The following LIPG variants were observed in gnomAD, a reference collection of about 807,000 sequenced individuals.
LIPG encodes endothelial lipase.
In LIPG, 34 loss-of-function variants were observed where a neutral mutation model predicts 51.8. That is an observed-to-expected ratio of 0.66 (90% CI 0.50 to 0.87). LIPG has a LOEUF of 0.87. Among genes scored for constraint, LIPG ranks in the 40% least tolerant of loss-of-function variants. LIPG has a pLI of 0.00. For missense variants in LIPG, 580 were observed against 652.7 expected (o/e 0.89, Z 1.21); for synonymous variants, 246 against 246.1 (o/e 1.00, Z 0.00).
chr18:49,569,017 TGGA>T (rs1470451588), intron 3 of LIPG, among the ~76,000 whole-genome samples: 1 of 152,050 alleles, frequency 6.6e-6, no homozygotes, highest in Non-Finnish European at 1.5e-5. Flanking sequence ...TGGGGCTGGG[TGGA>T]GGTCAGGCCT....
rs2084975972 is a variant in LIPG at position 49,595,277 on chromosome 18, A to G, written c.*4755A>G. ...TATTTAAATAAATAGATGAAATTAG[A>G]TATAAGAAACTAGGTGCTTAAACAG... On this transcript the variant is annotated 3_prime_UTR_variant, in exon 10 of 10. Coordinates refer to ENST00000261292, the MANE Select transcript of LIPG (RefSeq NM_006033.4). 1.3e-5 allele frequency: 2 copies of G among 152,198 alleles called. No homozygotes were observed. The highest frequency in any genetic ancestry group is 4.1e-4 in the South Asian group (2 of 4,826). 9.4% of individuals were successfully genotyped at this position (152,198 alleles called of 1,614,324 possible). A position where few individuals can be genotyped will look rare whatever the true frequency, so the allele number is the denominator to read the frequency against.
intron 1 of LIPG, among the ~76,000 whole-genome samples, chr18:49,563,076 C>CCTGGGGGAGCCAGAGTCAGTCAGCT (rs1308832351): frequency 1.3e-5 from 2 of 152,162 alleles, no homozygotes; most frequent in Non-Finnish European, 2.9e-5. Flanking sequence ...GGCAGCTTGC[C>CCTGGGGGAGCCAGAGTCAGTCAGCT]CTGGGGGAGC....
chr18:49,588,480 GCCATGTTGGCCAAGTTA>G lies in LIPG; in HGVS notation c.1481+1647_1481+1663del, dbSNP rs573785860. Among the ~76,000 whole-genome samples, 371 of 151,944 alleles carry G rather than the reference GCCATGTTGGCCAAGTTA, an allele frequency of 2.4e-3. 2 individuals carry two copies. Among genetic ancestry groups the G allele is most frequent in the African/African-American group, 8.5e-3 (352 of 41,450 alleles). ...GTATTTTTAGTTGAGATGGGTTTTC[GCCATGTTGGCCAAGTTA>G]CCATGTTGGCCAAGTTGGTCTCAAA... On this transcript the variant is annotated intron_variant, in intron 9 of 9. Transcript: ENST00000261292.
At position 49,569,567 on chromosome 18, in the gene LIPG, A is replaced by C; in HGVS notation, c.571+19A>C. 3 of 1,580,090 alleles carry C rather than the reference A, an allele frequency of 1.9e-6. No homozygotes were observed. Among genetic ancestry groups the C allele is most frequent in the Non-Finnish European group, 1.7e-6 (2 of 1,150,132 alleles). On this transcript the variant is annotated intron_variant, in intron 4 of 9. Coordinates refer to ENST00000261292, the MANE Select transcript of LIPG (RefSeq NM_006033.4). Reference sequence around the variant, plus strand: ...ATCACAGGTGAGCTCCACTTCCATCACTAAAGGGCTCCCTCAGCTGCGCTA... The same window carrying C: ...ATCACAGGTGAGCTCCACTTCCATCCCTAAAGGGCTCCCTCAGCTGCGCTA...
chr18:49,588,186 G>A (rs2143980142), intron 9 of LIPG, among the ~76,000 whole-genome samples: 1 of 152,210 alleles, frequency 6.6e-6, no homozygotes, highest in Non-Finnish European at 1.5e-5. Context: ...GGTCAGGTTT[G>A]GGAATGGGGT....
upstream of LIPG, chr18:49,562,011 C>A: frequency 7.1e-7 from 1 of 1,417,658 alleles, no homozygotes; most frequent in South Asian, 1.6e-5. Context: ...GGCGATGGGT[C>A]AGATGACTCC....
chr18:49,582,306 G>T, intron 6 of LIPG, 56 bp from the exon 7 acceptor site: 1 of 1,612,420 alleles, frequency 6.2e-7, no homozygotes, highest in Non-Finnish European at 8.5e-7. Context: ...TGGGTCAGGG[G>T]TCTCCTGTGA....
chr18:49,582,310 C>G, intron 6 of LIPG, 52 bp from the exon 7 acceptor site: 4 of 1,613,150 alleles, frequency 2.5e-6, no homozygotes, highest in Non-Finnish European at 3.4e-6. Flanking sequence ...TCAGGGGTCT[C>G]CTGTGATGAC....
At chr18:49,579,019 A>ACCGTG (rs1265544182) in intron 5 of LIPG, among the ~76,000 whole-genome samples, 2 of 128 alleles carry the variant, frequency 0.016, no homozygotes, top group African/African-American at 0.14. Flanking sequence ...GGAGAGGGAG[A>ACCGTG]GGGAGAGGGA....
At chr18:49,565,832 G>A (rs560995737) in intron 2 of LIPG, among the ~76,000 whole-genome samples, 11 of 152,332 alleles carry the variant, frequency 7.2e-5, no homozygotes, top group South Asian at 4.1e-4. Flanking sequence ...CTGTCCTGCC[G>A]TGAGAGCTGA....
rs930882521 is a variant in LIPG, at chr18:49,562,157, C to T, written c.-152C>T. The T allele has an allele frequency of 2.7e-6, 4 of 1,485,664 alleles. No homozygotes were observed. The highest frequency in any genetic ancestry group is 1.3e-5 in the South Asian group (1 of 74,242). 92.0% of individuals were successfully genotyped at this position (1,485,664 alleles called of 1,614,324 possible). A position where few individuals can be genotyped will look rare whatever the true frequency, so the allele number is the denominator to read the frequency against. On this transcript the variant is annotated 5_prime_UTR_variant, in exon 1 of 10. Transcript: ENST00000261292. ...CCCTGCCACCGCCCGGGCTCCGTGC[C>T]GCCAAGTTTTCATTTTCCACCTTCT...
chr18:49,576,079 C>A (rs534415915), intron 5 of LIPG, among the ~76,000 whole-genome samples: 1 of 152,192 alleles, frequency 6.6e-6, no homozygotes, highest in South Asian at 2.1e-4. Flanking sequence ...CTCAAGTAAT[C>A]CACCTGCCTC....
chr18:49,585,836 C>G (rs1191714305), intron 8 of LIPG, among the ~76,000 whole-genome samples: 3 of 152,106 alleles, frequency 2.0e-5, no homozygotes, highest in African/African-American at 7.2e-5. Context: ...GTGGGACATT[C>G]TTGTCATTTT....
chr18:49,566,746 C>G (rs906039156), intron 2 of LIPG, among the ~76,000 whole-genome samples: 9 of 152,118 alleles, frequency 5.9e-5, no homozygotes, highest in Admixed American at 5.2e-4. Flanking sequence ...AAGAGAGAAG[C>G]AATTTTCCAG....
chr18:49,572,955 TAAA>T, intron 4 of LIPG, among the ~76,000 whole-genome samples: 1 of 152,116 alleles, frequency 6.6e-6, no homozygotes. Context: ...CATCCCTAGT[TAAA>T]AAAGTTAAAT....
chr18:49,565,498 G>T lies in LIPG; in HGVS notation c.279G>T (p.Thr93=), dbSNP rs762594079. Residue 93 remains threonine (T), a splice_region_variant and synonymous_variant, in exon 2 of 10, where the codon ACG becomes ACT. Transcript: ENST00000261292. ...AKTFFIIHGW[T]MSGIFENWLH... ...CCTTTTTCATCATTCACGGATGGAC[G>T]GTGAGCCCGGGGAGGGAGCTCTGCG... 2 of 1,614,138 alleles carry T rather than the reference G, an allele frequency of 1.2e-6. No homozygotes were observed. The highest frequency in any genetic ancestry group is 4.5e-5 in the East Asian group (2 of 44,892).
intron 5 of LIPG, among the ~76,000 whole-genome samples, chr18:49,580,087 T>A (rs572046584): frequency 1.3e-5 from 2 of 152,324 alleles, no homozygotes; most frequent in East Asian, 3.9e-4. Context: ...GTGCTGGGAT[T>A]ACAGGTGTGA....
At chr18:49,576,456 GCTTTTTTTTTT>G (rs768425166) in intron 5 of LIPG, among the ~76,000 whole-genome samples, 2 of 31,334 alleles carry the variant, frequency 6.4e-5, no homozygotes, top group African/African-American at 1.7e-4. Flanking sequence ...ACAGAATCTT[GCTTTTTTTTTT>G]TTTTTTTTTT....
chr18:49,577,800 C>A (rs1255780056), intron 5 of LIPG, among the ~76,000 whole-genome samples: 3 of 113,466 alleles, frequency 2.6e-5, no homozygotes, highest in African/African-American at 4.0e-5. Flanking sequence ...GGGGGCTGAC[C>A]CCCCCACCTC....
Sources: allele counts gnomAD v4.1 joint callset (sites outside exome capture counted in the v4.1 genomes callset), GRCh38; gene constraint gnomAD v4.1.1; transcripts MANE v1.5; gene names NCBI Gene and HGNC (gene_info 2026-07-23, HGNC 2026-07-21).